The following CNTN4 variants were observed in gnomAD, a reference collection of about 807,000 sequenced individuals.
CNTN4 encodes contactin 4.
A neutral mutation model predicts 122.5 loss-of-function variants in CNTN4; 77 were observed. The observed-to-expected ratio is 0.63, with a 90% CI of 0.52 to 0.76. The LOEUF (loss-of-function observed/expected upper bound fraction) is 0.76, where lower values mean the gene tolerates loss of function less well. Ranked by LOEUF, CNTN4 falls within the 30% of genes least tolerant of loss-of-function variation. CNTN4 has a pLI of 0.00. For missense variants in CNTN4, 1,256 were observed against 1,259.1 expected, an observed-to-expected ratio of 1.00 and a Z score of 0.04; for synonymous variants, 512 against 447.0, an observed-to-expected ratio of 1.15 and a Z score of -1.83.
intron 2 of CNTN4, among the ~76,000 whole-genome samples, chr3:2,220,255 C>T (rs2039010305): frequency 6.6e-6 from 1 of 152,172 alleles, no homozygotes; most frequent in South Asian, 2.1e-4. Flanking sequence ...AGTAATCATT[C>T]ATCATACTGT....
At chr3:2,977,092 A>G (rs6804212) in intron 13 of CNTN4, among the ~76,000 whole-genome samples, 3,065 of 152,258 alleles carry the variant, frequency 0.02, 92 homozygotes, top group African/African-American at 0.069. Context: ...CTGTCTCTTC[A>G]TTGTCACCTC....
chr3:2,273,748 C>G (rs1215087327), intron 2 of CNTN4, among the ~76,000 whole-genome samples: 1 of 152,154 alleles, frequency 6.6e-6, no homozygotes, highest in Non-Finnish European at 1.5e-5. Context: ...AAAACAAAAA[C>G]CTGGGCTTAT....
chr3:2,588,703 T>C (rs1052717187), intron 4 of CNTN4, among the ~76,000 whole-genome samples: 1 of 148,530 alleles, frequency 6.7e-6, no homozygotes, highest in African/African-American at 2.5e-5. Flanking sequence ...CTCTGTACAA[T>C]CCAAAAATTA....
At chr3:2,685,679 T>A (rs1315573675) in intron 4 of CNTN4, among the ~76,000 whole-genome samples, 1 of 152,170 alleles carries the variant, frequency 6.6e-6, no homozygotes, top group Non-Finnish European at 1.5e-5. Context: ...TTTCTTTTTC[T>A]TAGTGTGTTT....
chr3:2,569,463 A>G lies in CNTN4; in HGVS notation c.-88-1953A>G, dbSNP rs141040763. On this transcript the variant is annotated intron_variant, in intron 3 of 24. Coordinates refer to ENST00000418658, the MANE Select transcript of CNTN4 (RefSeq NM_175607.3). ...ATTGGGGCTCCCACAGTGTGTACAT[A>G]TATCAAAATATCACATTGTATACCA... is the stretch of plus-strand genomic sequence containing the variant. Among the ~76,000 whole-genome samples the G allele has an allele frequency of 1.9e-3, 294 of 152,316 alleles. 1 individual carries two copies. Among genetic ancestry groups the G allele is most frequent in the African/African-American group, 6.8e-3 (283 of 41,576 alleles).
intron 4 of CNTN4, among the ~76,000 whole-genome samples, chr3:2,589,250 G>GAC (rs2080347470): frequency 6.6e-6 from 1 of 152,122 alleles, no homozygotes; most frequent in South Asian, 2.1e-4. Context: ...TAGGAGATTT[G>GAC]ACACAGAAAC....
intron 3 of CNTN4, among the ~76,000 whole-genome samples, chr3:2,397,734 A>T (rs1011215071): frequency 2.0e-5 from 3 of 152,318 alleles, no homozygotes; most frequent in Admixed American, 2.0e-4. Context: ...GCTAAAGTAA[A>T]TGTGTTCTGT....
chr3:2,517,188 C>T (rs2077063383), intron 3 of CNTN4, among the ~76,000 whole-genome samples: 1 of 152,098 alleles, frequency 6.6e-6, no homozygotes, highest in South Asian at 2.1e-4. Context: ...GGCTGACACA[C>T]TTTAACAATG....
chr3:2,214,227 C>G (rs1256538518), intron 2 of CNTN4, among the ~76,000 whole-genome samples: 2 of 152,032 alleles, frequency 1.3e-5, no homozygotes, highest in African/African-American at 4.8e-5. Flanking sequence ...TCAGTGGTAG[C>G]TTAAGGGGAT....
chr3:2,975,979 G>A (rs1693379765), intron 13 of CNTN4, among the ~76,000 whole-genome samples: 1 of 152,128 alleles, frequency 6.6e-6, no homozygotes, highest in South Asian at 2.1e-4. Flanking sequence ...GTGGAAACAT[G>A]GAGATCTTGC....
At chr3:2,281,513 C>G (rs2041712223) in intron 2 of CNTN4, among the ~76,000 whole-genome samples, 2 of 152,030 alleles carry the variant, frequency 1.3e-5, no homozygotes, top group African/African-American at 4.8e-5. Context: ...TTACACTGCT[C>G]CTGGCCACTG....
Position 2,622,394 on chromosome 3 carries a change from T to G in CNTN4, c.55+50836T>G, listed in dbSNP as rs914449061. On this transcript the variant is annotated intron_variant, in intron 4 of 24. Transcript: ENST00000418658. ...GCAACTTCTGCCACCCGGGTTCCAG[T>G]GATTCTCGTGCCTCAACTCCCCAAG... Among the ~76,000 whole-genome samples, 4 of 152,308 alleles carry G rather than the reference T, an allele frequency of 2.6e-5. No individual in the cohort carries two copies. In the South Asian group the frequency reaches 8.3e-4, roughly 32 times the overall value.
chr3:2,434,132 A>G (rs2048176530), intron 3 of CNTN4, among the ~76,000 whole-genome samples: 1 of 152,202 alleles, frequency 6.6e-6, no homozygotes, highest in Admixed American at 6.5e-5. Context: ...ACATACTTCA[A>G]AATTGCTGAG....
intron 2 of CNTN4, among the ~76,000 whole-genome samples, chr3:2,246,840 G>A (rs2149653780): frequency 6.6e-6 from 1 of 152,024 alleles, no homozygotes; most frequent in East Asian, 1.9e-4. Context: ...TTCAGGGAAT[G>A]TTCGTGGAAT....
chr3:2,718,190 C>T (rs2087616175), intron 4 of CNTN4, among the ~76,000 whole-genome samples: 1 of 151,954 alleles, frequency 6.6e-6, no homozygotes, highest in African/African-American at 2.4e-5. Flanking sequence ...TTCTCATTGA[C>T]CAAAATAGCC....
chr3:2,597,730 C>T (rs1418152482), intron 4 of CNTN4, among the ~76,000 whole-genome samples: 4 of 152,074 alleles, frequency 2.6e-5, no homozygotes, highest in Admixed American at 2.6e-4. Flanking sequence ...GTCAGGGGAG[C>T]ATAAATGAGA....
chr3:2,244,454 A>G (rs2040065240), intron 2 of CNTN4, among the ~76,000 whole-genome samples: 1 of 152,084 alleles, frequency 6.6e-6, no homozygotes. Context: ...CCAAAGTGAT[A>G]TGTGCTGTAA....
intron 1 of CNTN4, among the ~76,000 whole-genome samples, chr3:2,100,205 A>G (rs1465371640): frequency 6.6e-6 from 1 of 152,158 alleles, no homozygotes; most frequent in African/African-American, 2.4e-5. Flanking sequence ...TCCTGAAAGG[A>G]ATGTCGTGGA....
intron 3 of CNTN4, among the ~76,000 whole-genome samples, chr3:2,374,729 G>A (rs969536625): frequency 2.0e-5 from 3 of 152,110 alleles, no homozygotes; most frequent in African/African-American, 4.8e-5. Flanking sequence ...CACTGACCAC[G>A]AGGAAATTAA....
Sources: gnomAD v4.1 joint callset for allele counts (sites outside exome capture counted in the v4.1 genomes callset) on GRCh38, gnomAD v4.1.1 for gene constraint, MANE v1.5 for transcripts, NCBI Gene and HGNC (gene_info 2026-07-23, HGNC 2026-07-21) for gene names.